Variants in ENPEP observed in about 807,000 individuals in gnomAD.
ENPEP encodes the protein AP-A.
Under a neutral mutation model 114.5 loss-of-function variants are expected in ENPEP, and 103 were observed. That is an observed-to-expected ratio of 0.90 (90% CI 0.77 to 1.06). The LOEUF is 1.06. Among genes scored for constraint, ENPEP ranks in the 50% least tolerant of loss-of-function variants. The pLI, the probability that ENPEP is intolerant of heterozygous loss-of-function variation, is 0.00. For synonymous variants in ENPEP, 420 were observed against 422.0 expected (o/e 1.00, Z 0.06); for missense variants, 1,196 against 1,161.3 (o/e 1.03, Z -0.43).
intron 1 of ENPEP, among the ~76,000 whole-genome samples, chr4:110,486,575 T>C (rs1036086381): frequency 3.9e-5 from 6 of 152,196 alleles, no homozygotes; most frequent in African/African-American, 1.4e-4. Flanking sequence ...AACCAAGAGA[T>C]TGTGACCACT....
In ENPEP at chr4:110,491,110, C is replaced by T; in HGVS notation, c.864C>T (p.Cys288=). The change falls in exon 3 of 20, where the codon TGC becomes TGT. Residue 288 remains cysteine, a synonymous_variant. Transcript: ENST00000265162. ...TCCCCATGAGCACGTACCTGGTGTGCTTTGCTGTACATCAATTTGACTCTG... is the reference window on the plus strand; with the variant it reads ...TCCCCATGAGCACGTACCTGGTGTGTTTTGCTGTACATCAATTTGACTCTG... ...KSVPMSTYLV[C]FAVHQFDSVK... The T allele has an allele frequency of 6.2e-7, 1 of 1,612,200 alleles. No individual in the cohort carries two copies. Among genetic ancestry groups the T allele is most frequent in the African/African-American group, 1.3e-5 (1 of 74,954 alleles).
chr4:110,490,953 G>T, intron 2 of ENPEP, 80 bp from the exon 3 acceptor site: 1 of 1,449,896 alleles, frequency 6.9e-7, no homozygotes, highest in South Asian at 1.4e-5. Flanking sequence ...GCAAGGTTTG[G>T]GGCAACCGTT....
chr4:110,509,651 A>G lies in ENPEP; in HGVS notation c.1040-2A>G. The G allele has an allele frequency of 6.2e-7, 1 of 1,610,990 alleles. No individual in the cohort carries two copies. The highest frequency in any genetic ancestry group is 8.5e-7 in the Non-Finnish European group (1 of 1,179,264). On this transcript the variant is annotated splice_acceptor_variant, in intron 4 of 19. Coordinates refer to ENST00000265162, the MANE Select transcript of ENPEP (RefSeq NM_001977.4). LOFTEE classifies it high-confidence loss of function. Reference sequence around the variant, plus strand: ...CTCACTGGACTCTTTCTTCTTCTATAGATAAAATCGCTATTCCAGATTTTG... The same window carrying G: ...CTCACTGGACTCTTTCTTCTTCTATGGATAAAATCGCTATTCCAGATTTTG...
In ENPEP at chr4:110,561,414, C is replaced by CT. The variant is rs768719919; in HGVS notation, c.2736dup (p.Ala913CysfsTer13). The CT allele has an allele frequency of 6.2e-7, 1 of 1,613,632 alleles. No individual in the cohort carries two copies. The highest frequency in any genetic ancestry group is 8.5e-7 in the Non-Finnish European group (1 of 1,179,866). ...TCCCCTCTCTTTTCTAGATGGAGAG[C>CT]TTTTTTGCAAAATATCCACAAGCTG... On this transcript the variant is annotated frameshift_variant, in exon 20 of 20. Coordinates refer to ENST00000265162, the MANE Select transcript of ENPEP (RefSeq NM_001977.4). LOFTEE classifies it low-confidence loss of function (END_TRUNC).
chr4:110,526,294 C>A lies in ENPEP; in HGVS notation c.1728-4904C>A, dbSNP rs1421069305. On this transcript the variant is annotated intron_variant, in intron 10 of 19. Transcript: ENST00000265162. ...CTGTCTGAAAAAAACAGAACAAACC[C>A]CCCGCCCCAAAACAGAAATTACAGC... Among the ~76,000 whole-genome samples, 9 of 151,962 alleles carry A rather than the reference C, an allele frequency of 5.9e-5. No individual in the cohort carries two copies. In the South Asian group the frequency reaches 1.9e-3, roughly 32 times the overall value.
chr4:110,496,709 C>T (rs968364977), intron 3 of ENPEP, among the ~76,000 whole-genome samples: 2 of 152,078 alleles, frequency 1.3e-5, no homozygotes, highest in Non-Finnish European at 2.9e-5. Flanking sequence ...TAGAAAGTTT[C>T]TCAGTTTGGG....
chr4:110,535,201 G>A (rs1389357165), intron 11 of ENPEP, among the ~76,000 whole-genome samples: 1 of 152,098 alleles, frequency 6.6e-6, no homozygotes, highest in East Asian at 1.9e-4. Flanking sequence ...ATCTGGGCTG[G>A]GTCTAAGTTC....
Position 110,558,270 on chromosome 4 carries a change from TTA to T in ENPEP, c.2643-1354_2643-1353del, listed in dbSNP as rs5861011. On this transcript the variant is annotated intron_variant, in intron 18 of 19. Coordinates refer to ENST00000265162, the MANE Select transcript of ENPEP (RefSeq NM_001977.4). ...TGGAAACATTTAATATTTATAAAAA[TTA>T]TATATATATATATATATATATAAAT... is the stretch of plus-strand genomic sequence containing the variant. Among the ~76,000 whole-genome samples the T allele has an allele frequency of 9.6e-3, 1,361 of 141,628 alleles. 18 individuals are homozygous for T. Among genetic ancestry groups the T allele is most frequent in the African/African-American group, 0.025 (941 of 38,084 alleles). The allele number at this position is 141,628 out of a possible 152,430, so 92.9% of individuals were successfully genotyped here. A position where few individuals can be genotyped will look rare whatever the true frequency, so the allele number is the denominator to read the frequency against.
At chr4:110,494,606 A>C (rs1724859772) in intron 3 of ENPEP, among the ~76,000 whole-genome samples, 1 of 152,218 alleles carries the variant, frequency 6.6e-6, no homozygotes, top group Admixed American at 6.5e-5. Context: ...CAATGCCTGC[A>C]TTCTTAATAG....
chr4:110,491,234 AGTT>A, intron 3 of ENPEP, 70 bp downstream of exon 3: 2 of 917,108 alleles, frequency 2.2e-6, no homozygotes, highest in East Asian at 7.5e-5. Context: ...TTTTTTGGGT[AGTT>A]TTTTTTTTTT....
intron 8 of ENPEP, chr4:110,518,983 T>G (rs1172885115): frequency 4.7e-6 from 2 of 423,122 alleles, no homozygotes; most frequent in East Asian, 7.1e-5. Context: ...TTACCAAATA[T>G]TCAATTATTT....
chr4:110,501,948 T>G (rs1393574533), intron 3 of ENPEP, among the ~76,000 whole-genome samples: 1 of 152,190 alleles, frequency 6.6e-6, no homozygotes, highest in Non-Finnish European at 1.5e-5. Flanking sequence ...TGCCAGCATG[T>G]TATTTTTTGA....
Position 110,476,839 on chromosome 4 carries a change from C to T in ENPEP, c.425C>T (p.Thr142Ile). 6.2e-7 allele frequency: 1 copy of T among 1,614,124 alleles called. No individual in the cohort carries two copies. Among genetic ancestry groups the T allele is most frequent in the South Asian group, 1.1e-5 (1 of 91,066 alleles). ...LWLHLRETRI[T>I]RLPELKRPSG... The stretch of plus-strand genomic sequence containing the variant: ...CTGCACCTCCGGGAGACCAGGATCA[C>T]CCGGCTCCCGGAGCTGAAGAGGCCC... The change falls in exon 1 of 20, where the codon ACC becomes ATC. Residue 142 changes from threonine to isoleucine, a missense_variant. By Grantham distance (89) the Thr-to-Ile change is moderately conservative. Coordinates refer to ENST00000265162, the MANE Select transcript of ENPEP (RefSeq NM_001977.4).
In ENPEP at chr4:110,528,850, A is replaced by G. The variant is rs1008032916; in HGVS notation, c.1728-2348A>G. ...GGTTAGATAGTGAAGAACTATGTCT[A>G]TAAAAATGAATCCTGATACTCCTGA... On this transcript the variant is annotated intron_variant, in intron 10 of 19. Transcript: ENST00000265162. 5.9e-5 allele frequency among the ~76,000 whole-genome samples: 9 copies of G among 152,338 alleles called. No homozygotes were observed. The East Asian group carries it at 1.3e-3, about 23-fold the overall frequency.
intron 1 of ENPEP, among the ~76,000 whole-genome samples, chr4:110,480,727 A>T (rs1243412944): frequency 1.1e-4 from 17 of 152,208 alleles, no homozygotes; most frequent in Non-Finnish European, 2.4e-4. Context: ...AGATTGAGAC[A>T]TGGGGAAGAA....
At chr4:110,528,061 A>G (rs1301862621) in intron 10 of ENPEP, among the ~76,000 whole-genome samples, 2 of 152,194 alleles carry the variant, frequency 1.3e-5, no homozygotes, top group Non-Finnish European at 2.9e-5. Flanking sequence ...AAGACTTAGA[A>G]CATAGAACTG....
intron 18 of ENPEP, among the ~76,000 whole-genome samples, chr4:110,558,876 G>T (rs555755930): frequency 6.6e-6 from 1 of 152,166 alleles, no homozygotes; most frequent in African/African-American, 2.4e-5. Flanking sequence ...TCTCTGCTTA[G>T]GCAGACTGAT....
chr4:110,545,897 G>A lies in ENPEP; in HGVS notation c.2001-2279G>A, dbSNP rs150027331. Among the ~76,000 whole-genome samples, 158 of 152,088 alleles carry A rather than the reference G, an allele frequency of 1.0e-3. 1 individual carries two copies. The highest frequency in any genetic ancestry group is 8.6e-3 in the East Asian group (44 of 5,136). The stretch of plus-strand genomic sequence containing the variant: ...CCCATCTCTTCACTCTGAGGCCAGA[G>A]CAGCAGCCAAATAGCCTCTCATCTT... On this transcript the variant is annotated intron_variant, in intron 13 of 19. Coordinates refer to ENST00000265162, the MANE Select transcript of ENPEP (RefSeq NM_001977.4).
intron 11 of ENPEP, among the ~76,000 whole-genome samples, chr4:110,540,762 A>C (rs776736907): frequency 6.6e-6 from 1 of 152,180 alleles, no homozygotes; most frequent in African/African-American, 2.4e-5. Context: ...AACTGGCAGC[A>C]TATCCCCTTT....
Sources: gnomAD v4.1 joint callset for allele counts (sites outside exome capture counted in the v4.1 genomes callset) on GRCh38, gnomAD v4.1.1 for gene constraint, MANE v1.5 for transcripts, NCBI Gene and HGNC (gene_info 2026-07-23, HGNC 2026-07-21) for gene names.